The following P2RY14 variants were observed in gnomAD, a reference collection of about 807,000 sequenced individuals.
The protein encoded by P2RY14 is P2Y purinoceptor 14.
A neutral mutation model predicts 0.9 loss-of-function variants in P2RY14; 2 were observed. The ratio of observed to expected loss-of-function variants is 2.16; its 90% CI spans 0.88 to 6.79. The LOEUF is 6.79. P2RY14 is among the 30% of genes most tolerant of loss of function. The probability of loss-of-function intolerance (pLI) is 0.05; values close to 1 mark genes in which losing one functional copy is unlikely to be tolerated. For missense variants in P2RY14, 378 were observed against 400.1 expected (o/e 0.94, Z 0.47); for synonymous variants, 158 against 147.2 (o/e 1.07, Z -0.53).
At chr3:151,260,194 TAAAG>T (rs1257116778) in intron 1 of P2RY14, among the ~76,000 whole-genome samples, 4 of 152,118 alleles carry the variant, frequency 2.6e-5, no homozygotes, top group East Asian at 3.8e-4. Context: ...TGTTTAAAAA[TAAAG>T]AAAAGAGCCG....
intron 1 of P2RY14, 144 bp from the exon 2 acceptor site, chr3:151,219,786 G>A (rs992392336): frequency 6.6e-6 from 1 of 151,158 alleles, no homozygotes; most frequent in Non-Finnish European, 1.5e-5. Context: ...CACTATACTT[G>A]CTATTTGTTG....
At chr3:151,214,796 T>C (rs1727875324) in intron 2 of P2RY14, among the ~76,000 whole-genome samples, 1 of 152,184 alleles carries the variant, frequency 6.6e-6, no homozygotes. Context: ...GAAATACTCA[T>C]TTAGGTATAA....
At chr3:151,231,316 G>A (rs1222081630) in intron 1 of P2RY14, among the ~76,000 whole-genome samples, 1 of 152,186 alleles carries the variant, frequency 6.6e-6, no homozygotes, top group Non-Finnish European at 1.5e-5. Context: ...GGGTGAATGG[G>A]TGTGGGAGAA....
At chr3:151,236,468 A>T (rs773944002) in intron 1 of P2RY14, among the ~76,000 whole-genome samples, 3 of 152,210 alleles carry the variant, frequency 2.0e-5, no homozygotes, top group Non-Finnish European at 4.4e-5. Flanking sequence ...ATTCTTAACG[A>T]TGTTAATAAT....
At chr3:151,241,964 G>C (rs1365532360) in intron 1 of P2RY14, 1 of 153,290 alleles carries the variant, frequency 6.5e-6, no homozygotes, top group Non-Finnish European at 1.5e-5. Context: ...CACTTGGGAA[G>C]CACAAGGGGT....
At chr3:151,230,610 T>C (rs1731477508) in intron 1 of P2RY14, among the ~76,000 whole-genome samples, 1 of 151,960 alleles carries the variant, frequency 6.6e-6, no homozygotes, top group Non-Finnish European at 1.5e-5. Flanking sequence ...TTCCTTCTAA[T>C]GTTTCTTTGA....
intron 1 of P2RY14, among the ~76,000 whole-genome samples, chr3:151,258,911 T>C (rs150300296): frequency 1.3e-5 from 2 of 149,874 alleles, no homozygotes; most frequent in Non-Finnish European, 3.0e-5. Context: ...GCTTTGTGGA[T>C]GGGAGCTGTG....
At chr3:151,222,468 T>C (rs1729558480) in intron 1 of P2RY14, among the ~76,000 whole-genome samples, 1 of 152,166 alleles carries the variant, frequency 6.6e-6, no homozygotes, top group African/African-American at 2.4e-5. Context: ...TGGTAGATGA[T>C]TGAATTATGG....
intron 1 of P2RY14, among the ~76,000 whole-genome samples, chr3:151,226,392 C>T (rs369840809): frequency 2.4e-4 from 37 of 152,134 alleles, no homozygotes; most frequent in African/African-American, 6.0e-4. Flanking sequence ...TAAACGTTTA[C>T]GTTACAAATG....
intron 1 of P2RY14, among the ~76,000 whole-genome samples, chr3:151,271,869 A>G (rs375920216): frequency 6.6e-6 from 1 of 152,238 alleles, no homozygotes; most frequent in Non-Finnish European, 1.5e-5. Context: ...CTGTGCCTAG[A>G]AAAGAGAATG....
At chr3:151,261,056 G>A (rs934845963) in intron 1 of P2RY14, among the ~76,000 whole-genome samples, 2 of 151,974 alleles carry the variant, frequency 1.3e-5, no homozygotes, top group African/African-American at 4.8e-5. Flanking sequence ...GAATGTCATC[G>A]GCTTTTGTTT....
intron 1 of P2RY14, among the ~76,000 whole-genome samples, chr3:151,252,384 A>T (rs1387966688): frequency 6.6e-6 from 1 of 152,186 alleles, no homozygotes; most frequent in Non-Finnish European, 1.5e-5. Flanking sequence ...GATTTTTCAT[A>T]GAAAATAATT....
At chr3:151,275,317 G>T (rs1741664448) in intron 1 of P2RY14, among the ~76,000 whole-genome samples, 2 of 151,976 alleles carry the variant, frequency 1.3e-5, no homozygotes, top group Non-Finnish European at 2.9e-5. Flanking sequence ...AACCTCAAAA[G>T]CAGATGTCAT....
At chr3:151,218,274 G>A (rs776342235) in intron 2 of P2RY14, among the ~76,000 whole-genome samples, 4 of 152,116 alleles carry the variant, frequency 2.6e-5, no homozygotes, top group African/African-American at 9.7e-5. Context: ...TTTCTTACCA[G>A]CTCATGCCAG....
At chr3:151,227,933 G>A (rs577035834) in intron 1 of P2RY14, among the ~76,000 whole-genome samples, 3 of 152,342 alleles carry the variant, frequency 2.0e-5, no homozygotes, top group South Asian at 4.1e-4. Flanking sequence ...GCCATGGTTT[G>A]TGCAACCAGC....
rs547300516 is a variant in P2RY14 at position 151,261,402 on chromosome 3, G to C, written c.-133+16885C>G. 6.6e-5 allele frequency: 10 copies of C among 152,260 alleles called. No homozygotes were observed. The East Asian group carries it at 1.9e-3, about 29-fold the overall frequency. The allele number at this position is 152,260 out of a possible 1,614,324, so 9.4% of individuals were successfully genotyped here. On this transcript the variant is annotated intron_variant, in intron 1 of 2. Transcript: ENST00000309170. Reference sequence around the variant, plus strand: ...TGTAGCCTACCTGGAATTGTGGAGGGTAAGAGGGATGGTGGCCATGGCTTG... The same window carrying C: ...TGTAGCCTACCTGGAATTGTGGAGGCTAAGAGGGATGGTGGCCATGGCTTG...
chr3:151,268,898 T>C (rs181671754), intron 1 of P2RY14, among the ~76,000 whole-genome samples: 2 of 152,242 alleles, frequency 1.3e-5, no homozygotes, highest in Admixed American at 6.5e-5. Context: ...GTATGCAAAA[T>C]TTTTTAGCCA....
In P2RY14 at chr3:151,212,208, G is replaced by GA. The variant is rs1168086174; in HGVS notation, c.*1091dup. 2 of 152,106 alleles carry GA rather than the reference G, an allele frequency of 1.3e-5. No individual in the cohort carries two copies. Among genetic ancestry groups the GA allele is most frequent in the African/African-American group, 4.8e-5 (2 of 41,406 alleles). 9.4% of individuals were successfully genotyped at this position (152,106 alleles called of 1,614,324 possible). A position where few individuals can be genotyped will look rare whatever the true frequency, so the allele number is the denominator to read the frequency against. ...ATAAAAATGTTTTGAAAGAACATTT[G>GA]AAAAATAGATGAATGTCTTCTAGCC... On this transcript the variant is annotated 3_prime_UTR_variant, in exon 3 of 3. Coordinates refer to ENST00000309170, the MANE Select transcript of P2RY14 (RefSeq NM_014879.4).
intron 1 of P2RY14, chr3:151,270,087 T>A (rs1213047776): frequency 9.1e-6 from 2 of 219,450 alleles, no homozygotes; most frequent in East Asian, 1.5e-4. Flanking sequence ...AAGATGAAGA[T>A]GATGATGAAA....
Sources: allele counts gnomAD v4.1 joint callset (sites outside exome capture counted in the v4.1 genomes callset), GRCh38; gene constraint gnomAD v4.1.1; transcripts MANE v1.5; gene names NCBI Gene and HGNC (gene_info 2026-07-23, HGNC 2026-07-21).